Variants in WWOX observed in about 807,000 individuals in gnomAD.
WWOX encodes the protein WW domain-containing oxidoreductase.
In WWOX, 69 loss-of-function variants were observed where a neutral mutation model predicts 46.2. The observed-to-expected ratio is 1.49, with a 90% CI of 1.23 to 1.82. The LOEUF (loss-of-function observed/expected upper bound fraction) is 1.82, where lower values mean the gene tolerates loss of function less well. Ranked by LOEUF, WWOX falls within the 40% of genes most tolerant of loss-of-function variation. The pLI is 0.00. For synonymous variants in WWOX, 359 were observed against 202.6 expected, an observed-to-expected ratio of 1.77 and a Z score of -6.56; for missense variants, 919 against 542.6, an observed-to-expected ratio of 1.69 and a Z score of -6.89.
At chr16:78,470,213 C>T (rs1945048865) in intron 8 of WWOX, among the ~76,000 whole-genome samples, 1 of 152,164 alleles carries the variant, frequency 6.6e-6, no homozygotes, top group Non-Finnish European at 1.5e-5. Context: ...TAGGAATTTG[C>T]AGGACCATGT....
At chr16:79,174,717 T>C (rs901469971) in intron 8 of WWOX, among the ~76,000 whole-genome samples, 14 of 152,210 alleles carry the variant, frequency 9.2e-5, no homozygotes, top group African/African-American at 3.4e-4. Flanking sequence ...TGAGGTGAAA[T>C]GAAGCCTAGA....
intron 8 of WWOX, among the ~76,000 whole-genome samples, chr16:79,083,959 C>G (rs982327687): frequency 2.6e-5 from 4 of 152,174 alleles, no homozygotes; most frequent in Non-Finnish European, 5.9e-5. Flanking sequence ...GAAAGAATTT[C>G]TGACTCCCGA....
intron 8 of WWOX, among the ~76,000 whole-genome samples, chr16:78,993,544 T>G (rs1028437459): frequency 5.9e-5 from 9 of 152,002 alleles, no homozygotes; most frequent in African/African-American, 2.2e-4. Flanking sequence ...ACTATTACAG[T>G]GTTATCAGCT....
chr16:78,104,285 T>C (rs12918750), intron 1 of WWOX, among the ~76,000 whole-genome samples: 46,628 of 145,540 alleles, frequency 0.32, 7,288 homozygotes, highest in African/African-American at 0.35. Context: ...CTGTCCTCAC[T>C]GTCAACTCTA....
chr16:78,742,987 A>G lies in WWOX; in HGVS notation c.1056+310235A>G, dbSNP rs142729839. Among the ~76,000 whole-genome samples the G allele has an allele frequency of 3.5e-3, 527 of 152,102 alleles. 4 individuals are homozygous for G. The highest frequency in any genetic ancestry group is 0.017 in the Middle Eastern group (5 of 294). ...GGCCTCGTTAATGTCTCCCAAGCAC[A>G]GTACCCCAACTCCCCACATACAGTC... is the stretch of plus-strand genomic sequence containing the variant. On this transcript the variant is annotated intron_variant, in intron 8 of 8. Coordinates refer to ENST00000566780, the MANE Select transcript of WWOX (RefSeq NM_016373.4).
At chr16:79,157,035 C>A (rs371511833) in intron 8 of WWOX, among the ~76,000 whole-genome samples, 2 of 152,276 alleles carry the variant, frequency 1.3e-5, no homozygotes, top group East Asian at 3.9e-4. Context: ...GGTAAAATGG[C>A]CCTGGCCATT....
At chr16:79,130,472 G>T (rs1184457790) in intron 8 of WWOX, among the ~76,000 whole-genome samples, 1 of 152,122 alleles carries the variant, frequency 6.6e-6, no homozygotes, top group African/African-American at 2.4e-5. Context: ...GTTAGTAAAG[G>T]CCTCAGAGAG....
chr16:79,113,570 C>T (rs7206890), intron 8 of WWOX, among the ~76,000 whole-genome samples: 28,571 of 152,216 alleles, frequency 0.19, 5,082 homozygotes, highest in African/African-American at 0.47. Context: ...AGGCTTACGC[C>T]TGGGTGGAAT....
chr16:78,752,506 TC>T (rs1439784118), intron 8 of WWOX, among the ~76,000 whole-genome samples: 3 of 152,210 alleles, frequency 2.0e-5, no homozygotes, highest in African/African-American at 7.2e-5. Flanking sequence ...CAGGCTAGTT[TC>T]TAACTCCTGA....
chr16:78,972,620 A>C (rs1049612927), intron 8 of WWOX, among the ~76,000 whole-genome samples: 2 of 152,110 alleles, frequency 1.3e-5, no homozygotes, highest in South Asian at 4.2e-4. Flanking sequence ...CATAAAGTAC[A>C]TACCGCTGCA....
At chr16:78,710,486 A>ATATATATATATATATATATATATT (rs1303049001) in intron 8 of WWOX, among the ~76,000 whole-genome samples, 1,489 of 127,040 alleles carry the variant, frequency 0.012, 46 homozygotes, top group Middle Eastern at 0.021. Context: ...ATATATATAT[A>ATATATATATATATATATATATATT]TATATATATA....
At chr16:78,108,305 T>C in intron 1 of WWOX, 118 bp from the exon 2 acceptor site, 1 of 1,002,066 alleles carries the variant, frequency 1.0e-6, no homozygotes, top group South Asian at 1.4e-5. Context: ...TTTCTCCTTC[T>C]TCCCCCTACT....
intron 8 of WWOX, among the ~76,000 whole-genome samples, chr16:78,842,682 A>G (rs143768902): frequency 3.3e-5 from 5 of 152,118 alleles, no homozygotes; most frequent in Admixed American, 6.6e-5. Context: ...AGGGAAACAT[A>G]GTGTGACCCC....
At chr16:78,980,513 A>C (rs2046659782) in intron 8 of WWOX, among the ~76,000 whole-genome samples, 2 of 152,358 alleles carry the variant, frequency 1.3e-5, no homozygotes, top group South Asian at 2.1e-4. Context: ...CTGGCAATCC[A>C]GTCTCAATTA....
At chr16:78,473,618 A>C (rs2084284252) in intron 8 of WWOX, among the ~76,000 whole-genome samples, 1 of 152,118 alleles carries the variant, frequency 6.6e-6, no homozygotes, top group Admixed American at 6.5e-5. Context: ...TCCTAAGAAA[A>C]TGTGGAAAGA....
intron 6 of WWOX, among the ~76,000 whole-genome samples, chr16:78,419,625 C>CAAAAAAAAGA (rs2082876459): frequency 2.2e-5 from 1 of 44,684 alleles, no homozygotes; most frequent in Non-Finnish European, 4.6e-5. Context: ...CAAAAAATAG[C>CAAAAAAAAGA]AAAAAAAAAA....
At chr16:78,355,598 C>T (rs1331780509) in intron 5 of WWOX, 4 of 537,998 alleles carry the variant, frequency 7.4e-6, no homozygotes, top group Middle Eastern at 3.3e-4. Flanking sequence ...TAGGCTCAGC[C>T]CAGAGGAGCG....
At chr16:78,853,271 A>T (rs2052492145) in intron 8 of WWOX, among the ~76,000 whole-genome samples, 2 of 151,976 alleles carry the variant, frequency 1.3e-5, no homozygotes, top group African/African-American at 4.8e-5. Flanking sequence ...TCCAGGCTGG[A>T]GTGCAGTGGC....
chr16:78,448,119 A>G (rs1383615589), intron 8 of WWOX, among the ~76,000 whole-genome samples: 1 of 152,140 alleles, frequency 6.6e-6, no homozygotes, highest in East Asian at 1.9e-4. Flanking sequence ...ACTATTATTA[A>G]TAGAAGTTCT....
Sources: gnomAD v4.1 joint callset for allele counts (sites outside exome capture counted in the v4.1 genomes callset) on GRCh38, gnomAD v4.1.1 for gene constraint, MANE v1.5 for transcripts, NCBI Gene and HGNC (gene_info 2026-07-23, HGNC 2026-07-21) for gene names.